NRROS: variants seen among roughly 807,000 people sequenced by gnomAD.
NRROS encodes the protein negative regulator of reactive oxygen species.
In NRROS, 6 loss-of-function variants were observed where a neutral mutation model predicts 12.0. That is an observed-to-expected ratio of 0.50 (90% CI 0.27 to 0.98). NRROS has a LOEUF of 0.98. NRROS is among the 50% of genes least tolerant of loss of function. The pLI is 0.11. For missense variants in NRROS, 857 were observed against 888.2 expected (o/e 0.96, Z 0.45); for synonymous variants, 462 against 410.2 (o/e 1.13, Z -1.53).
intron 1 of NRROS, among the ~76,000 whole-genome samples, chr3:196,643,976 T>C (rs1737256786): frequency 6.6e-6 from 1 of 152,164 alleles, no homozygotes; most frequent in Non-Finnish European, 1.5e-5. Flanking sequence ...GACCACCTCC[T>C]TCAACTTCAG....
chr3:196,659,031 G>A (rs932371175), intron 2 of NRROS, among the ~76,000 whole-genome samples: 3 of 152,176 alleles, frequency 2.0e-5, no homozygotes, highest in Non-Finnish European at 4.4e-5. Context: ...TCCTATGGCT[G>A]ATGGTTGTTT....
intron 1 of NRROS, among the ~76,000 whole-genome samples, chr3:196,651,273 C>T (rs533082581): frequency 1.3e-5 from 2 of 152,298 alleles, no homozygotes; most frequent in African/African-American, 4.8e-5. Context: ...AGCACTGGGT[C>T]TTGGCCATTC....
intron 1 of NRROS, among the ~76,000 whole-genome samples, chr3:196,648,047 TGAGAA>T (rs993578184): frequency 1.3e-5 from 2 of 152,198 alleles, no homozygotes; most frequent in African/African-American, 4.8e-5. Context: ...AGCACCTTTC[TGAGAA>T]GAGTGTTTGA....
intron 1 of NRROS, among the ~76,000 whole-genome samples, chr3:196,640,667 C>T (rs1737188973): frequency 6.6e-6 from 1 of 152,192 alleles, no homozygotes; most frequent in African/African-American, 2.4e-5. Context: ...TACTTCCCCA[C>T]GTACCCAGGA....
chr3:196,656,226 A>T (rs1737535138), intron 2 of NRROS, among the ~76,000 whole-genome samples: 1 of 152,220 alleles, frequency 6.6e-6, no homozygotes, highest in Non-Finnish European at 1.5e-5. Context: ...CATATTATAT[A>T]CTAGGCGTTG....
intron 1 of NRROS, among the ~76,000 whole-genome samples, chr3:196,650,860 A>G (rs1397300529): frequency 6.6e-6 from 1 of 152,226 alleles, no homozygotes; most frequent in Non-Finnish European, 1.5e-5. Flanking sequence ...GCAGTGTTCC[A>G]AATGGGCCAA....
chr3:196,660,179 G>C lies in NRROS; in HGVS notation c.536G>C (p.Gly179Ala). Residue 179 changes from glycine to alanine, a missense_variant, in exon 3 of 3, where the codon GGC (glycine) becomes GCC (alanine). By Grantham distance (60) the Gly-to-Ala change is moderately conservative. Transcript: ENST00000328557. The surrounding 1 kb of genome is among the most constrained non-coding windows in gnomAD (Gnocchi z 7.7). Reference sequence around the variant, plus strand: ...CGGCTGGACGACTCCGTCTTCGAGGGCCTGGAGCGTCTCCGGGAGCTGGAT... The same window carrying C: ...CGGCTGGACGACTCCGTCTTCGAGGCCCTGGAGCGTCTCCGGGAGCTGGAT... ...IMRLDDSVFEGLERLRELDLQ... is the reference protein window; with the variant it reads ...IMRLDDSVFEALERLRELDLQ... The C allele has an allele frequency of 1.9e-6, 3 of 1,612,974 alleles. No homozygotes were observed. The highest frequency in any genetic ancestry group is 2.2e-5 in the East Asian group (1 of 44,884).
intron 1 of NRROS, among the ~76,000 whole-genome samples, chr3:196,646,246 C>T (rs961776709): frequency 1.3e-5 from 2 of 152,274 alleles, no homozygotes; most frequent in African/African-American, 4.8e-5. Flanking sequence ...ACAGGTCCCA[C>T]CTGCTCCTTC....
chr3:196,644,234 C>T (rs1225329710), intron 1 of NRROS, among the ~76,000 whole-genome samples: 3 of 151,996 alleles, frequency 2.0e-5, no homozygotes, highest in Non-Finnish European at 2.9e-5. Flanking sequence ...GGCCATGGTC[C>T]CATGATACAC....
chr3:196,654,795 C>T lies in NRROS; in HGVS notation c.108+148C>T. 1 of 599,960 alleles carries T rather than the reference C, an allele frequency of 1.7e-6. No homozygotes were observed. Among genetic ancestry groups the T allele is most frequent in the Non-Finnish European group, 2.9e-6 (1 of 339,538 alleles). The allele number at this position is 599,960 out of a possible 1,614,324, so 37.2% of individuals were successfully genotyped here. On this transcript the variant is annotated intron_variant, in intron 2 of 2. Transcript: ENST00000328557. This position sits in a 1 kb window ranked among gnomAD's most constrained non-coding sequence, Gnocchi z 4.4. ...TGCCTGCCTAGCACAGGGGCATGTG[C>T]AGCTGCCCTTTAACCACAGGATTTT...
At chr3:196,640,149 A>C (rs1737180867) in intron 1 of NRROS, among the ~76,000 whole-genome samples, 1 of 152,232 alleles carries the variant, frequency 6.6e-6, no homozygotes. Flanking sequence ...AGGGCTTCAG[A>C]TTCAGACGTG....
At chr3:196,655,805 T>C (rs1016206195) in intron 2 of NRROS, among the ~76,000 whole-genome samples, 1 of 152,202 alleles carries the variant, frequency 6.6e-6, no homozygotes, top group African/African-American at 2.4e-5. Flanking sequence ...AAAATAGACT[T>C]GGGTCCAAAC....
intron 1 of NRROS, among the ~76,000 whole-genome samples, chr3:196,652,846 C>G (rs1737456694): frequency 6.6e-6 from 1 of 152,148 alleles, no homozygotes; most frequent in Non-Finnish European, 1.5e-5. Flanking sequence ...GGTACCACCC[C>G]ACACCTGACA....
chr3:196,660,279 G>C lies in NRROS; in HGVS notation c.636G>C (p.Leu212=). 6.2e-7 allele frequency: 1 copy of C among 1,613,932 alleles called. No homozygotes were observed. Among genetic ancestry groups the C allele is most frequent in the Non-Finnish European group, 8.5e-7 (1 of 1,180,024 alleles). The part of the protein sequence containing the change: ...DGLAELRHLN[L]AFNNLPCIVD... ...TGGCTGAGCTGAGGCACCTCAACCT[G>C]GCCTTCAACAACCTCCCCTGCATCG... is the stretch of plus-strand genomic sequence containing the variant. The change falls in exon 3 of 3, where the codon CTG becomes CTC. Residue 212 remains leucine (L), a synonymous_variant. Coordinates refer to ENST00000328557, the MANE Select transcript of NRROS (RefSeq NM_198565.3). The surrounding 1 kb of genome is among the most constrained non-coding windows in gnomAD (Gnocchi z 7.7).
rs1737679717 is a variant in NRROS at position 196,661,496 on chromosome 3, T to C, written c.1853T>C (p.Met618Thr). ...GGGCAGACGGTGGCCGACTGGGCCATGGTCACCTGCAACCTCTCCTCCAAG... is the reference window on the plus strand; with the variant it reads ...GGGCAGACGGTGGCCGACTGGGCCACGGTCACCTGCAACCTCTCCTCCAAG... ...QHGQTVADWA[M>T]VTCNLSSKII... The change falls in exon 3 of 3, where the codon ATG becomes ACG. Residue 618 changes from methionine to threonine, a missense_variant. By Grantham distance (81) the Met-to-Thr change is moderately conservative. Transcript: ENST00000328557. 5 of 1,609,876 alleles carry C rather than the reference T, an allele frequency of 3.1e-6. No individual in the cohort carries two copies. The highest frequency in any genetic ancestry group is 1.7e-5 in the Admixed American group (1 of 59,896).
intron 1 of NRROS, among the ~76,000 whole-genome samples, chr3:196,641,895 GTCTT>G (rs1254492308): frequency 6.6e-6 from 1 of 152,168 alleles, no homozygotes; most frequent in African/African-American, 2.4e-5. Flanking sequence ...TGAAAACACT[GTCTT>G]TCTTAGGACA....
At chr3:196,640,362 A>C (rs145202635) in intron 1 of NRROS, among the ~76,000 whole-genome samples, 3 of 152,288 alleles carry the variant, frequency 2.0e-5, no homozygotes, top group South Asian at 4.1e-4. Context: ...GAGAACCACT[A>C]TCTCATAGAT....
chr3:196,646,270 C>T (rs747020849), intron 1 of NRROS, among the ~76,000 whole-genome samples: 20 of 152,236 alleles, frequency 1.3e-4, no homozygotes, highest in Non-Finnish European at 2.2e-4. Context: ...TCGAGAAGGG[C>T]GGTGGCAGGT....
chr3:196,660,893 T>C lies in NRROS; in HGVS notation c.1250T>C (p.Val417Ala). ...CTGAGCTCCAACCAGCTCCTGGGCGTCCCCCCTGGCCTCTTCGCCAATGCT... is the reference window on the plus strand; with the variant it reads ...CTGAGCTCCAACCAGCTCCTGGGCGCCCCCCCTGGCCTCTTCGCCAATGCT... ...FNLSSNQLLG[V>A]PPGLFANARN... Residue 417 changes from valine (V) to alanine (A), a missense_variant, in exon 3 of 3, where the codon GTC becomes GCC. By Grantham distance (64) the Val-to-Ala change is moderately conservative. Coordinates refer to ENST00000328557, the MANE Select transcript of NRROS (RefSeq NM_198565.3). This position sits in a 1 kb window ranked among gnomAD's most constrained non-coding sequence, Gnocchi z 7.7. 1 of 1,613,944 alleles carries C rather than the reference T, an allele frequency of 6.2e-7. No individual in the cohort carries two copies. Among genetic ancestry groups the C allele is most frequent in the Non-Finnish European group, 8.5e-7 (1 of 1,180,004 alleles).
Sources: gnomAD v4.1 joint callset for allele counts (sites outside exome capture counted in the v4.1 genomes callset) on GRCh38, gnomAD v4.1.1 for gene constraint, Gnocchi (gnomAD v3.1) non-coding constraint, MANE v1.5 for transcripts, NCBI Gene and HGNC (gene_info 2026-07-23, HGNC 2026-07-21) for gene names.